Variants in ANK3 observed in about 807,000 individuals in gnomAD.
ANK3 encodes the protein ankyrin 3, also known as ankyrin-3.
In ANK3, 57 loss-of-function variants were observed where a neutral mutation model predicts 370.9. The ratio of observed to expected loss-of-function variants is 0.15; its 90% CI spans 0.12 to 0.19. The LOEUF (loss-of-function observed/expected upper bound fraction) is 0.19, where lower values mean the gene tolerates loss of function less well. Among genes scored for constraint, ANK3 ranks in the 10% least tolerant of loss-of-function variants. The pLI is 1.00. For missense variants in ANK3, 4,439 were observed against 5,302.1 expected (o/e 0.84, Z 5.06); for synonymous variants, 1,929 against 1,946.3 (o/e 0.99, Z 0.23).
intron 2 of ANK3, among the ~76,000 whole-genome samples, chr10:60,443,876 A>G (rs1415659306): frequency 6.6e-6 from 1 of 152,140 alleles, no homozygotes; most frequent in East Asian, 1.9e-4. Flanking sequence ...GCCAAGCAAG[A>G]TGGCAGCTGC....
At chr10:60,337,975 A>G (rs1230618606) in intron 1 of ANK3, among the ~76,000 whole-genome samples, 2 of 152,160 alleles carry the variant, frequency 1.3e-5, no homozygotes, top group African/African-American at 4.8e-5. Context: ...TCCACTTTTT[A>G]ACCTCAGTCC....
At chr10:60,182,782 A>AGGAAG (rs1284920734) in intron 17 of ANK3, among the ~76,000 whole-genome samples, 2 of 152,222 alleles carry the variant, frequency 1.3e-5, no homozygotes, top group Non-Finnish European at 2.9e-5. Flanking sequence ...AGAATTTTGG[A>AGGAAG]GGAAGCTCAC....
intron 1 of ANK3, among the ~76,000 whole-genome samples, chr10:60,281,513 C>G (rs1004089844): frequency 9.9e-5 from 15 of 152,170 alleles, no homozygotes; most frequent in African/African-American, 3.6e-4. Context: ...AACTCTTTGG[C>G]CTGTTTGGGT....
chr10:60,274,474 C>A (rs1158622592), intron 4 of ANK3, among the ~76,000 whole-genome samples: 1 of 152,098 alleles, frequency 6.6e-6, no homozygotes, highest in Non-Finnish European at 1.5e-5. Flanking sequence ...TACCTATTCC[C>A]CATTATGCAG....
chr10:60,620,676 C>T (rs1173054676), intron 1 of ANK3, among the ~76,000 whole-genome samples: 1 of 152,174 alleles, frequency 6.6e-6, no homozygotes, highest in Non-Finnish European at 1.5e-5. Context: ...GACATCTTGA[C>T]AGCCCACTTA....
intron 23 of ANK3, among the ~76,000 whole-genome samples, chr10:60,154,881 G>GTTT (rs10627843): frequency 6.6e-6 from 1 of 151,756 alleles, no homozygotes; most frequent in African/African-American, 2.4e-5. Flanking sequence ...CTGGCTTTTA[G>GTTT]TTAAAATCTA....
intron 8 of ANK3, among the ~76,000 whole-genome samples, chr10:60,228,799 G>T (rs2097202487): frequency 1.3e-5 from 2 of 152,166 alleles, no homozygotes; most frequent in South Asian, 4.1e-4. Flanking sequence ...AACAGTAGGA[G>T]AAAAAGCAGA....
intron 1 of ANK3, among the ~76,000 whole-genome samples, chr10:60,678,873 T>C (rs2079159299): frequency 6.6e-6 from 1 of 152,208 alleles, no homozygotes; most frequent in African/African-American, 2.4e-5. Context: ...ATGCTTAGAC[T>C]TGGATTTGGA....
chr10:60,580,603 T>C (rs375015330), intron 2 of ANK3, among the ~76,000 whole-genome samples: 1 of 152,238 alleles, frequency 6.6e-6, no homozygotes. Flanking sequence ...TCCAAAGTTA[T>C]TAAGAAATCT....
intron 25 of ANK3, among the ~76,000 whole-genome samples, chr10:60,126,700 A>AG (rs1366531269): frequency 6.6e-6 from 1 of 150,388 alleles, no homozygotes; most frequent in African/African-American, 2.4e-5. Flanking sequence ...AAAAAAAAAA[A>AG]GAAAAGAAAA....
intron 1 of ANK3, among the ~76,000 whole-genome samples, chr10:60,336,151 C>A (rs149111286): frequency 2.6e-5 from 4 of 151,666 alleles, no homozygotes; most frequent in Non-Finnish European, 4.4e-5. Context: ...GTTGGGGAGT[C>A]GAGGCCAAAC....
intron 18 of ANK3, among the ~76,000 whole-genome samples, chr10:60,174,353 C>T (rs1237255807): frequency 6.6e-6 from 1 of 152,192 alleles, no homozygotes; most frequent in Admixed American, 6.5e-5. Flanking sequence ...TGACTTACAA[C>T]CTCTAACGCT....
intron 2 of ANK3, among the ~76,000 whole-genome samples, chr10:60,396,411 C>G (rs7907761): frequency 0.11 from 16,560 of 152,168 alleles, 989 homozygotes; most frequent in South Asian, 0.15. Flanking sequence ...ATAGTGAAGA[C>G]TGACTGGTTT....
chr10:60,200,783 C>A (rs527603958), intron 12 of ANK3, among the ~76,000 whole-genome samples: 3 of 152,298 alleles, frequency 2.0e-5, no homozygotes, highest in Admixed American at 2.0e-4. Flanking sequence ...ACATGGGCAA[C>A]CTAAACATAG....
chr10:60,603,434 A>G (rs1182278318), intron 2 of ANK3, among the ~76,000 whole-genome samples: 1 of 152,182 alleles, frequency 6.6e-6, no homozygotes, highest in Non-Finnish European at 1.5e-5. Flanking sequence ...ATCTTCCTAT[A>G]GTAGGCCAAA....
intron 1 of ANK3, among the ~76,000 whole-genome samples, chr10:60,307,862 C>T (rs1388494493): frequency 6.6e-6 from 1 of 152,174 alleles, no homozygotes; most frequent in Admixed American, 6.5e-5. Context: ...AACGCTGAGC[C>T]CCAGGACCTG....
At chr10:60,482,766 T>C (rs2075257797) in intron 2 of ANK3, among the ~76,000 whole-genome samples, 1 of 152,110 alleles carries the variant, frequency 6.6e-6, no homozygotes, top group East Asian at 1.9e-4. Flanking sequence ...GGATTACAGG[T>C]GTGAGCCACT....
chr10:60,371,428 T>C (rs2132785731), intron 1 of ANK3, among the ~76,000 whole-genome samples: 1 of 152,320 alleles, frequency 6.6e-6, no homozygotes, highest in South Asian at 2.1e-4. Flanking sequence ...TTAATTATTT[T>C]AAAGTTGTCT....
At chr10:60,282,588 T>C (rs1415505524) in intron 1 of ANK3, among the ~76,000 whole-genome samples, 1 of 152,124 alleles carries the variant, frequency 6.6e-6, no homozygotes, top group Non-Finnish European at 1.5e-5. Context: ...CTAAGCTTGC[T>C]CATGAACTTG....
Sources: gnomAD v4.1 joint callset for allele counts (sites outside exome capture counted in the v4.1 genomes callset) on GRCh38, gnomAD v4.1.1 for gene constraint, MANE v1.5 for transcripts, NCBI Gene and HGNC (gene_info 2026-07-23, HGNC 2026-07-21) for gene names.